Variants in SDK1 observed in about 807,000 individuals in gnomAD.
SDK1 encodes the protein protein sidekick-1.
Under a neutral mutation model 245.5 loss-of-function variants are expected in SDK1, and 157 were observed. The observed-to-expected ratio is 0.64, with a 90% CI of 0.56 to 0.73. SDK1 has a LOEUF of 0.73. Among genes scored for constraint, SDK1 ranks in the 30% least tolerant of loss-of-function variants. The pLI is 0.00. For synonymous variants in SDK1, 1,647 were observed against 1,278.5 expected (o/e 1.29, Z -6.15); for missense variants, 3,583 against 3,002.3 (o/e 1.19, Z -4.52).
chr7:3,355,895 C>T (rs1358024915), intron 1 of SDK1, among the ~76,000 whole-genome samples: 1 of 152,156 alleles, frequency 6.6e-6, no homozygotes, highest in Non-Finnish European at 1.5e-5. Context: ...CTTGATCCTG[C>T]TGTTTGTTCT....
chr7:3,450,008 C>T lies in SDK1; in HGVS notation c.298+148124C>T, dbSNP rs143017362. ...CGAGACTTCATGGAAGTGGTCACAT[C>T]GGAGCTGCGCTCCAGAGGAAGAAAG... is the stretch of plus-strand genomic sequence containing the variant. On this transcript the variant is annotated intron_variant, in intron 1 of 44. Transcript: ENST00000404826. Among the ~76,000 whole-genome samples, 860 of 152,226 alleles carry T rather than the reference C, an allele frequency of 5.6e-3. 5 individuals are homozygous for T. The highest frequency in any genetic ancestry group is 0.021 in the South Asian group (102 of 4,830).
intron 1 of SDK1, among the ~76,000 whole-genome samples, chr7:3,536,565 AC>A (rs1347635195): frequency 3.3e-5 from 5 of 151,818 alleles, no homozygotes; most frequent in Non-Finnish European, 5.9e-5. Flanking sequence ...ATGGTGGCTC[AC>A]CCCTGTGATC....
chr7:3,902,864 A>T (rs1781835940), intron 5 of SDK1, among the ~76,000 whole-genome samples: 1 of 151,846 alleles, frequency 6.6e-6, no homozygotes, highest in Non-Finnish European at 1.5e-5. Flanking sequence ...TGACAGAAAA[A>T]ATTGCAAACC....
chr7:3,658,609 C>CTT (rs71029690), intron 4 of SDK1, among the ~76,000 whole-genome samples: 42 of 101,952 alleles, frequency 4.1e-4, no homozygotes, highest in African/African-American at 5.0e-4. Flanking sequence ...CTACTATCTT[C>CTT]TTTTTTTTTT....
chr7:3,370,071 A>G (rs1781184461), intron 1 of SDK1, among the ~76,000 whole-genome samples: 1 of 152,254 alleles, frequency 6.6e-6, no homozygotes. Flanking sequence ...CATAATAAAT[A>G]GTATGAACAT....
chr7:3,663,572 G>T (rs1330545940), intron 4 of SDK1, among the ~76,000 whole-genome samples: 1 of 152,146 alleles, frequency 6.6e-6, no homozygotes, highest in Non-Finnish European at 1.5e-5. Context: ...TAGACCATGT[G>T]GCCAGAGAGG....
intron 25 of SDK1, among the ~76,000 whole-genome samples, chr7:4,121,351 G>C (rs747333046): frequency 7.2e-5 from 11 of 152,162 alleles, no homozygotes; most frequent in Non-Finnish European, 1.5e-4. Context: ...GGAGGGACCT[G>C]GTGGGAGGTG....
intron 5 of SDK1, among the ~76,000 whole-genome samples, chr7:3,913,341 T>C (rs1452707811): frequency 1.3e-5 from 2 of 150,346 alleles, no homozygotes; most frequent in Non-Finnish European, 1.5e-5. Flanking sequence ...TCACCCAGGC[T>C]GGAGTGCAGT....
intron 5 of SDK1, among the ~76,000 whole-genome samples, chr7:3,929,992 T>A (rs1161211662): frequency 6.6e-6 from 1 of 152,150 alleles, no homozygotes; most frequent in Non-Finnish European, 1.5e-5. Flanking sequence ...ATTTATTTAT[T>A]TTCTTTACCT....
chr7:4,001,700 A>C (rs1295212389), intron 14 of SDK1, among the ~76,000 whole-genome samples: 1 of 152,276 alleles, frequency 6.6e-6, no homozygotes, highest in African/African-American at 2.4e-5. Context: ...AAAGGGAAGG[A>C]TATCAAAATG....
At chr7:3,952,556 C>G (rs550767516) in intron 7 of SDK1, among the ~76,000 whole-genome samples, 67 of 152,088 alleles carry the variant, frequency 4.4e-4, no homozygotes, top group African/African-American at 1.4e-3. Context: ...GCAACCCAAT[C>G]TGGGCCACAG....
In SDK1 at chr7:3,862,427, T is replaced by A. The variant is rs1211514713; in HGVS notation, c.847+40844T>A. 2.6e-5 allele frequency among the ~76,000 whole-genome samples: 4 copies of A among 152,234 alleles called. No individual in the cohort carries two copies. The East Asian group carries it at 7.7e-4, about 29-fold the overall frequency. ...CAAATCTTGTGGGAATAGAATGATT[T>A]TTGACAATGTCTTCTTTTTGGTAAA... On this transcript the variant is annotated intron_variant, in intron 5 of 44. Transcript: ENST00000404826.
intron 42 of SDK1, among the ~76,000 whole-genome samples, chr7:4,240,626 G>A (rs1378328297): frequency 1.3e-5 from 2 of 152,194 alleles, no homozygotes; most frequent in East Asian, 3.8e-4. Flanking sequence ...AACGCACTTA[G>A]CAAATACCTG....
chr7:4,265,836 C>T lies in SDK1; in HGVS notation c.*452C>T, dbSNP rs533314286. The T allele has an allele frequency of 3.7e-5, 37 of 994,332 alleles. No homozygotes were observed. In the African/African-American group the frequency reaches 5.0e-4, roughly 14 times the overall value. The allele number at this position is 994,332 out of a possible 1,614,324, so 61.6% of individuals were successfully genotyped here. ...CAGAGAACCAGCGGCTCACACCCTT[C>T]TCAACGCAGGACATCCTCGGCGGCT... On this transcript the variant is annotated 3_prime_UTR_variant, in exon 45 of 45. Transcript: ENST00000404826.
chr7:3,346,749 A>G (rs1309798813), intron 1 of SDK1, among the ~76,000 whole-genome samples: 2 of 118,928 alleles, frequency 1.7e-5, no homozygotes, highest in Non-Finnish European at 3.3e-5. Context: ...ACGTATATAT[A>G]TGTGTGTGTG....
intron 17 of SDK1, among the ~76,000 whole-genome samples, chr7:4,034,843 C>A (rs1447325983): frequency 6.6e-6 from 1 of 152,160 alleles, no homozygotes; most frequent in Non-Finnish European, 1.5e-5. Flanking sequence ...TATATCATAA[C>A]AGAAAGAGGA....
rs972623171 is a variant in SDK1 at position 4,267,162 on chromosome 7, T to A, written c.*1778T>A. 9 of 984,518 alleles carry A rather than the reference T, an allele frequency of 9.1e-6. No individual in the cohort carries two copies. The African/African-American group carries it at 1.2e-4, about 13-fold the overall frequency. 61.0% of individuals were successfully genotyped at this position (984,518 alleles called of 1,614,324 possible). A position where few individuals can be genotyped will look rare whatever the true frequency, so the allele number is the denominator to read the frequency against. On this transcript the variant is annotated 3_prime_UTR_variant, in exon 45 of 45. Transcript: ENST00000404826. ...CCAAAATTAGAGGGTATGGCAAGTT[T>A]CCTTTTTTCTCTCCTCCCTTCCTTC...
At chr7:3,312,298 T>C (rs962722703) in intron 1 of SDK1, among the ~76,000 whole-genome samples, 1 of 152,140 alleles carries the variant, frequency 6.6e-6, no homozygotes, top group African/African-American at 2.4e-5. Context: ...TCTAAGACTC[T>C]TGCAGAAGAA....
In SDK1 at chr7:4,268,987, T is replaced by G; in HGVS notation, c.*3603T>G. The G allele has an allele frequency of 3.5e-6, 1 of 285,574 alleles. No homozygotes were observed. Among genetic ancestry groups the G allele is most frequent in the Non-Finnish European group, 7.1e-6 (1 of 141,778 alleles). The allele number at this position is 285,574 out of a possible 1,614,324, so 17.7% of individuals were successfully genotyped here. A position where few individuals can be genotyped will look rare whatever the true frequency, so the allele number is the denominator to read the frequency against. Reference sequence around the variant, plus strand: ...GGTACAATTTTTAATAAAAACATTATTTTGTTCCTTAAACGCTTGTGATTT... The same window carrying G: ...GGTACAATTTTTAATAAAAACATTAGTTTGTTCCTTAAACGCTTGTGATTT... On this transcript the variant is annotated 3_prime_UTR_variant, in exon 45 of 45. Coordinates refer to ENST00000404826, the MANE Select transcript of SDK1 (RefSeq NM_152744.4).
Sources: allele counts gnomAD v4.1 joint callset (sites outside exome capture counted in the v4.1 genomes callset), GRCh38; gene constraint gnomAD v4.1.1; transcripts MANE v1.5; gene names NCBI Gene and HGNC (gene_info 2026-07-23, HGNC 2026-07-21).